The following ST6GALNAC3 variants were observed in gnomAD, a reference collection of about 807,000 sequenced individuals.
The protein encoded by ST6GALNAC3 is ST6 N-acetylgalactosaminide alpha-2,6-sialyltransferase 3.
A neutral mutation model predicts 32.7 loss-of-function variants in ST6GALNAC3; 25 were observed. The ratio of observed to expected loss-of-function variants is 0.76; its 90% CI spans 0.56 to 1.07. ST6GALNAC3 has a LOEUF of 1.07. ST6GALNAC3 is among the 50% of genes least tolerant of loss of function. ST6GALNAC3 has a pLI of 0.00. For missense variants in ST6GALNAC3, 355 were observed against 382.4 expected, an observed-to-expected ratio of 0.93 and a Z score of 0.60; for synonymous variants, 129 against 133.1, an observed-to-expected ratio of 0.97 and a Z score of 0.21.
chr1:76,407,702 T>C (rs1225116491), intron 2 of ST6GALNAC3, among the ~76,000 whole-genome samples: 1 of 143,086 alleles, frequency 7.0e-6, no homozygotes, highest in Non-Finnish European at 1.5e-5. Context: ...AAGCAAAAAA[T>C]AGAGACAATT....
At chr1:76,139,198 G>GAA (rs201381711) in intron 1 of ST6GALNAC3, among the ~76,000 whole-genome samples, 6 of 123,336 alleles carry the variant, frequency 4.9e-5, no homozygotes, top group East Asian at 2.3e-4. Context: ...CGTCTCAATG[G>GAA]AAAAAAAAAA....
At chr1:76,093,322 G>A (rs1210255524) in intron 1 of ST6GALNAC3, among the ~76,000 whole-genome samples, 1 of 152,182 alleles carries the variant, frequency 6.6e-6, no homozygotes, top group Non-Finnish European at 1.5e-5. Context: ...ACAATTTTAT[G>A]GACTGTTCAT....
chr1:76,327,844 C>T (rs1296013489), intron 2 of ST6GALNAC3, among the ~76,000 whole-genome samples: 1 of 152,144 alleles, frequency 6.6e-6, no homozygotes, highest in Non-Finnish European at 1.5e-5. Flanking sequence ...CACTCTTCAG[C>T]CTCTCAAAGT....
At chr1:76,553,507 A>C (rs1557563622) in intron 3 of ST6GALNAC3, among the ~76,000 whole-genome samples, 1 of 152,150 alleles carries the variant, frequency 6.6e-6, no homozygotes. Flanking sequence ...TGACACCTAT[A>C]TCCAAAATTA....
intron 1 of ST6GALNAC3, among the ~76,000 whole-genome samples, chr1:76,210,667 G>C (rs1013841288): frequency 1.5e-4 from 23 of 152,126 alleles, no homozygotes; most frequent in African/African-American, 5.6e-4. Flanking sequence ...CTCTCTCCTT[G>C]GCTTGCAGAC....
chr1:76,378,339 C>CT (rs372123120), intron 2 of ST6GALNAC3, among the ~76,000 whole-genome samples: 2 of 151,984 alleles, frequency 1.3e-5, no homozygotes, highest in Non-Finnish European at 2.9e-5. Flanking sequence ...ATGATGTTTA[C>CT]TTTTTTTATA....
Position 76,140,165 on chromosome 1 carries a change from G to GT in ST6GALNAC3, c.18+65289dup, listed in dbSNP as rs201464774. 1.1e-3 allele frequency among the ~76,000 whole-genome samples: 174 copies of GT among 151,908 alleles called. 1 individual carries two copies. In the East Asian group the frequency reaches 0.014, roughly 12 times the overall value. On this transcript the variant is annotated intron_variant, in intron 1 of 4. Transcript: ENST00000328299. ...CCTGTCTCTACTCTCAGCTCTTATT[G>GT]TTTTTTTTGGTGAAAGAGATTAATC...
intron 1 of ST6GALNAC3, among the ~76,000 whole-genome samples, chr1:76,151,908 C>T (rs186576421): frequency 5.3e-5 from 8 of 152,266 alleles, no homozygotes; most frequent in Admixed American, 3.9e-4. Flanking sequence ...GTGGAGAAGC[C>T]GGTTCTTGAG....
intron 3 of ST6GALNAC3, among the ~76,000 whole-genome samples, chr1:76,508,553 C>T (rs1661626842): frequency 2.0e-5 from 3 of 152,066 alleles, no homozygotes; most frequent in Admixed American, 2.0e-4. Flanking sequence ...ACCTGGGACC[C>T]AGTATTGCTG....
intron 3 of ST6GALNAC3, among the ~76,000 whole-genome samples, chr1:76,498,952 A>G (rs1661017529): frequency 6.6e-6 from 1 of 152,150 alleles, no homozygotes; most frequent in Non-Finnish European, 1.5e-5. Context: ...AGCCATAAAT[A>G]TTAATTAAAC....
At chr1:76,587,186 C>G (rs747184207) in intron 3 of ST6GALNAC3, among the ~76,000 whole-genome samples, 1 of 152,166 alleles carries the variant, frequency 6.6e-6, no homozygotes, top group Non-Finnish European at 1.5e-5. Flanking sequence ...TAGCTACAGT[C>G]CCTTAAATGA....
chr1:76,246,911 C>T (rs1009772897), intron 1 of ST6GALNAC3, among the ~76,000 whole-genome samples: 12 of 152,142 alleles, frequency 7.9e-5, no homozygotes, highest in South Asian at 2.1e-4. Flanking sequence ...TCAGCATTTT[C>T]GCACTGGTTT....
intron 3 of ST6GALNAC3, among the ~76,000 whole-genome samples, chr1:76,544,079 T>TTA (rs3086266): frequency 0.013 from 1,839 of 145,486 alleles, 23 homozygotes; most frequent in African/African-American, 0.039. Flanking sequence ...TTAATTACAT[T>TTA]TATATATATA....
At chr1:76,357,728 T>C (rs908637839) in intron 2 of ST6GALNAC3, among the ~76,000 whole-genome samples, 6 of 152,216 alleles carry the variant, frequency 3.9e-5, no homozygotes, top group Admixed American at 1.3e-4. Flanking sequence ...TCTTTGATCC[T>C]TTCCCCTTGG....
chr1:76,327,292 G>GTGTGTGTGTGTGTGTGTGTGTGTGTGTT lies in ST6GALNAC3; in HGVS notation c.213+13316_213+13317insGTGTTTGTGTGTGTGTGTGTGTGTGTGT, dbSNP rs1570838808. 4.0e-5 allele frequency among the ~76,000 whole-genome samples: 6 copies of GTGTGTGTGTGTGTGTGTGTGTGTGTGTT among 151,476 alleles called. No individual in the cohort carries two copies. In the East Asian group the frequency reaches 1.2e-3, roughly 30 times the overall value. On this transcript the variant is annotated intron_variant, in intron 2 of 4. Coordinates refer to ENST00000328299, the MANE Select transcript of ST6GALNAC3 (RefSeq NM_152996.4). ...TATATATGCGTGTGTGTGTGTGTGT[G>GTGTGTGTGTGTGTGTGTGTGTGTGTGTT]TGTGTGTGTGTGTGTGTGTGTGTAT...
intron 1 of ST6GALNAC3, among the ~76,000 whole-genome samples, chr1:76,264,900 CTT>C (rs397864038): frequency 9.8e-4 from 134 of 137,368 alleles, no homozygotes; most frequent in Middle Eastern, 7.8e-3. Context: ...CTCTAGTGCT[CTT>C]TTTTTTTTTT....
At chr1:76,114,795 T>C (rs1027901655) in intron 1 of ST6GALNAC3, among the ~76,000 whole-genome samples, 3 of 151,864 alleles carry the variant, frequency 2.0e-5, no homozygotes, top group African/African-American at 7.3e-5. Context: ...AGCACATGCC[T>C]GTGATCACAG....
intron 1 of ST6GALNAC3, among the ~76,000 whole-genome samples, chr1:76,297,542 G>C (rs1660474917): frequency 6.6e-6 from 1 of 151,994 alleles, no homozygotes. Context: ...TGGTATAATG[G>C]AAAGATCATT....
intron 1 of ST6GALNAC3, among the ~76,000 whole-genome samples, chr1:76,112,347 C>T (rs1457432518): frequency 2.4e-5 from 3 of 127,338 alleles, no homozygotes; most frequent in Admixed American, 7.6e-5. Context: ...ACCTCCCGGA[C>T]GGGGCGGCTG....
Sources: allele counts gnomAD v4.1 joint callset (sites outside exome capture counted in the v4.1 genomes callset), GRCh38; gene constraint gnomAD v4.1.1; transcripts MANE v1.5; gene names NCBI Gene and HGNC (gene_info 2026-07-23, HGNC 2026-07-21).